WWOX: variants seen among roughly 807,000 people sequenced by gnomAD.
The protein encoded by WWOX is WW domain-containing oxidoreductase.
Under a neutral mutation model 46.2 loss-of-function variants are expected in WWOX, and 69 were observed. The observed-to-expected ratio is 1.49, with a 90% CI of 1.23 to 1.82. The LOEUF (loss-of-function observed/expected upper bound fraction) is 1.82, where lower values mean the gene tolerates loss of function less well. WWOX is among the 40% of genes most tolerant of loss of function. WWOX has a pLI of 0.00. For synonymous variants in WWOX, 359 were observed against 202.6 expected, an observed-to-expected ratio of 1.77 and a Z score of -6.56; for missense variants, 919 against 542.6, an observed-to-expected ratio of 1.69 and a Z score of -6.89.
chr16:79,134,760 C>A (rs987523767), intron 8 of WWOX, among the ~76,000 whole-genome samples: 1 of 152,158 alleles, frequency 6.6e-6, no homozygotes, highest in Non-Finnish European at 1.5e-5. Flanking sequence ...CAGTACTTAG[C>A]CAGGGGATTT....
rs2037892300 is a variant in WWOX at position 78,248,629 on chromosome 16, A to G, written c.516+84340A>G. 2.0e-5 allele frequency among the ~76,000 whole-genome samples: 3 copies of G among 151,998 alleles called. No homozygotes were observed. In the South Asian group the frequency reaches 6.2e-4, roughly 32 times the overall value. On this transcript the variant is annotated intron_variant, in intron 5 of 8. Transcript: ENST00000566780. ...CACATACCTGTAGTCACAGCTACTC[A>G]GGAGGCTGAGGCAGGAGAATTGCTT...
At chr16:78,370,925 T>G (rs902334200) in intron 5 of WWOX, among the ~76,000 whole-genome samples, 1 of 151,634 alleles carries the variant, frequency 6.6e-6, no homozygotes, top group South Asian at 2.1e-4. Context: ...AAATTTTGTT[T>G]CCTGACATAG....
chr16:78,357,144 C>A (rs1392623592), intron 5 of WWOX, among the ~76,000 whole-genome samples: 1 of 152,160 alleles, frequency 6.6e-6, no homozygotes, highest in East Asian at 1.9e-4. Context: ...TAGTTTGAAT[C>A]TTTGAGTCAC....
At position 78,285,370 on chromosome 16, in the gene WWOX, A is replaced by C. The variant is rs2079750116; in HGVS notation, c.517-101490A>C. On this transcript the variant is annotated intron_variant, in intron 5 of 8. Transcript: ENST00000566780. ...TGAGGCAGGAGGATCACTTGAGCCCAGAAGTTCAACATTATAGTGAGCCAC... is the reference window on the plus strand; with the variant it reads ...TGAGGCAGGAGGATCACTTGAGCCCCGAAGTTCAACATTATAGTGAGCCAC... Among the ~76,000 whole-genome samples the C allele has an allele frequency of 2.6e-5, 4 of 152,264 alleles. No homozygotes were observed. In the South Asian group the frequency reaches 8.3e-4, roughly 32 times the overall value.
intron 8 of WWOX, among the ~76,000 whole-genome samples, chr16:78,531,329 G>A (rs892842988): frequency 6.6e-6 from 1 of 152,136 alleles, no homozygotes; most frequent in African/African-American, 2.4e-5. Context: ...TTTTCCTTAG[G>A]ATGAGAAAGA....
chr16:78,495,633 C>T (rs928072837), intron 8 of WWOX, among the ~76,000 whole-genome samples: 126 of 150,672 alleles, frequency 8.4e-4, no homozygotes, highest in Middle Eastern at 3.5e-3. Flanking sequence ...CTCAACCTCC[C>T]GAGTAGCTGG....
chr16:78,653,560 CCTT>C (rs989643914), intron 8 of WWOX, among the ~76,000 whole-genome samples: 10 of 152,218 alleles, frequency 6.6e-5, no homozygotes, highest in African/African-American at 2.4e-4. Flanking sequence ...GGAAGAGAGA[CCTT>C]CTGCTTCCTC....
intron 8 of WWOX, among the ~76,000 whole-genome samples, chr16:78,798,658 T>A (rs2050807495): frequency 6.6e-6 from 1 of 151,994 alleles, no homozygotes; most frequent in Non-Finnish European, 1.5e-5. Context: ...AACATATATA[T>A]TTTTAATTTC....
intron 5 of WWOX, among the ~76,000 whole-genome samples, chr16:78,183,766 T>A (rs2035607623): frequency 6.6e-6 from 1 of 152,146 alleles, no homozygotes; most frequent in South Asian, 2.1e-4. Flanking sequence ...TCAACAACTC[T>A]TGTGCCCACG....
At chr16:78,793,392 T>C (rs1398946976) in intron 8 of WWOX, among the ~76,000 whole-genome samples, 1 of 152,150 alleles carries the variant, frequency 6.6e-6, no homozygotes, top group Non-Finnish European at 1.5e-5. Context: ...AAACTTGGTA[T>C]GGAACTGCAC....
At chr16:78,748,963 G>A (rs1324914904) in intron 8 of WWOX, among the ~76,000 whole-genome samples, 2 of 152,196 alleles carry the variant, frequency 1.3e-5, no homozygotes, top group Non-Finnish European at 2.9e-5. Flanking sequence ...GTAGGGCCGT[G>A]GTGAAATTTG....
At chr16:78,789,437 T>A (rs954403679) in intron 8 of WWOX, among the ~76,000 whole-genome samples, 3 of 152,234 alleles carry the variant, frequency 2.0e-5, no homozygotes, top group African/African-American at 7.2e-5. Context: ...CTTTGCACCC[T>A]TATCAGAGAT....
At chr16:78,359,433 T>C (rs928503685) in intron 5 of WWOX, among the ~76,000 whole-genome samples, 2 of 152,180 alleles carry the variant, frequency 1.3e-5, no homozygotes, top group African/African-American at 4.8e-5. Context: ...GCCCCCAAAT[T>C]GCTGTAAGGA....
At chr16:78,959,895 G>T (rs1157609900) in intron 8 of WWOX, among the ~76,000 whole-genome samples, 1 of 152,204 alleles carries the variant, frequency 6.6e-6, no homozygotes, top group African/African-American at 2.4e-5. Context: ...TAAGGATACA[G>T]CCTGGGCATC....
At chr16:79,002,283 G>A (rs926184619) in intron 8 of WWOX, among the ~76,000 whole-genome samples, 1 of 136,352 alleles carries the variant, frequency 7.3e-6, no homozygotes, top group Non-Finnish European at 1.5e-5. Flanking sequence ...GAGTGCAATG[G>A]CGTGATCTCA....
chr16:78,261,784 C>CTAGA lies in WWOX; in HGVS notation c.516+97497_516+97498insGATA, dbSNP rs1259613713. 1.8e-4 allele frequency among the ~76,000 whole-genome samples: 9 copies of CTAGA among 50,896 alleles called. 2 individuals carry two copies. Among genetic ancestry groups the CTAGA allele is most frequent in the African/African-American group, 1.1e-3 (9 of 8,046 alleles). 33.4% of individuals were successfully genotyped at this position (50,896 alleles called of 152,430 possible). A position where few individuals can be genotyped will look rare whatever the true frequency, so the allele number is the denominator to read the frequency against. ...TCTATCTATCTATGTATCTATCTAT[C>CTAGA]TATCTATATATATATATATATATAT... On this transcript the variant is annotated intron_variant, in intron 5 of 8. Transcript: ENST00000566780.
At chr16:78,977,996 G>C (rs1196871349) in intron 8 of WWOX, among the ~76,000 whole-genome samples, 3 of 151,996 alleles carry the variant, frequency 2.0e-5, no homozygotes, top group Admixed American at 6.5e-5. Context: ...CAAAATATTT[G>C]TATCTCCCCA....
intron 5 of WWOX, among the ~76,000 whole-genome samples, chr16:78,221,415 T>A (rs2036885053): frequency 6.6e-6 from 1 of 152,146 alleles, no homozygotes; most frequent in African/African-American, 2.4e-5. Flanking sequence ...TGTAAAGGAG[T>A]TAGTACGTTA....
At chr16:78,286,788 T>G (rs74029855) in intron 5 of WWOX, among the ~76,000 whole-genome samples, 2,186 of 146,202 alleles carry the variant, frequency 0.015, 66 homozygotes, top group African/African-American at 0.052. Context: ...AATATAACTA[T>G]ATGAGTATCA....
Sources: allele counts gnomAD v4.1 joint callset (sites outside exome capture counted in the v4.1 genomes callset), GRCh38; gene constraint gnomAD v4.1.1; transcripts MANE v1.5; gene names NCBI Gene and HGNC (gene_info 2026-07-23, HGNC 2026-07-21).